Variants in EYS observed in about 807,000 individuals in gnomAD.
EYS encodes EGF-like photoreceptor maintenance factor.
A neutral mutation model predicts 282.1 loss-of-function variants in EYS; 250 were observed. The ratio of observed to expected loss-of-function variants is 0.89; its 90% CI spans 0.80 to 0.98. EYS has a LOEUF of 0.98. Among genes scored for constraint, EYS ranks in the 50% least tolerant of loss-of-function variants. EYS has a pLI of 0.00. For missense variants in EYS, 4,016 were observed against 3,709.0 expected (o/e 1.08, Z -2.15); for synonymous variants, 1,355 against 1,282.9 (o/e 1.06, Z -1.20).
intron 22 of EYS, among the ~76,000 whole-genome samples, chr6:64,800,890 T>C (rs1774524288): frequency 6.6e-6 from 1 of 152,020 alleles, no homozygotes; most frequent in African/African-American, 2.4e-5. Flanking sequence ...TTTTGAACAT[T>C]TTTTCACAAT....
intron 5 of EYS, among the ~76,000 whole-genome samples, chr6:65,488,483 A>G (rs1405700766): frequency 6.6e-6 from 1 of 152,216 alleles, no homozygotes; most frequent in African/African-American, 2.4e-5. Flanking sequence ...GAGAGGACAC[A>G]AACAAATGGA....
chr6:65,528,288 A>G (rs1767642903), intron 2 of EYS, among the ~76,000 whole-genome samples: 1 of 152,328 alleles, frequency 6.6e-6, no homozygotes, highest in African/African-American at 2.4e-5. Flanking sequence ...ACTGAAATAG[A>G]ATTGATAACT....
chr6:64,856,801 G>A (rs1400228809), intron 19 of EYS, among the ~76,000 whole-genome samples: 1 of 151,642 alleles, frequency 6.6e-6, no homozygotes, highest in Non-Finnish European at 1.5e-5. Context: ...TTCTCTCATG[G>A]ATCAAGCTCT....
chr6:63,742,417 A>T (rs974668036), intron 41 of EYS, among the ~76,000 whole-genome samples: 1 of 152,020 alleles, frequency 6.6e-6, no homozygotes, highest in Non-Finnish European at 1.5e-5. Context: ...TGACTCTGAG[A>T]TCTTGTTCTC....
At chr6:64,895,565 G>A (rs559164105) in intron 18 of EYS, among the ~76,000 whole-genome samples, 2 of 152,278 alleles carry the variant, frequency 1.3e-5, no homozygotes, top group African/African-American at 4.8e-5. Flanking sequence ...TCAAAGGGAA[G>A]TAATTAAGAT....
intron 31 of EYS, among the ~76,000 whole-genome samples, chr6:64,172,822 T>C (rs1764521859): frequency 1.3e-5 from 2 of 152,194 alleles, no homozygotes; most frequent in African/African-American, 4.8e-5. Context: ...TATTGTGAAC[T>C]GTATATGCAA....
chr6:63,896,488 C>T (rs1446067539), intron 35 of EYS, among the ~76,000 whole-genome samples: 1 of 152,186 alleles, frequency 6.6e-6, no homozygotes, highest in Admixed American at 6.5e-5. Context: ...CACACATGTA[C>T]AGCCTTCCTC....
chr6:64,700,402 AG>A (rs1770740286), intron 22 of EYS, among the ~76,000 whole-genome samples: 1 of 152,100 alleles, frequency 6.6e-6, no homozygotes. Flanking sequence ...GGCAATAGAA[AG>A]AAATAAAAGG....
intron 35 of EYS, among the ~76,000 whole-genome samples, chr6:63,889,621 G>A (rs1217777044): frequency 6.6e-6 from 1 of 152,002 alleles, no homozygotes. Flanking sequence ...CCTGAAGAAA[G>A]CATTAAATAT....
rs892533141 is a variant in EYS, at chr6:63,957,822, AT to A, written c.7055+26560del. 2.0e-4 allele frequency among the ~76,000 whole-genome samples: 28 copies of A among 140,856 alleles called. 2 individuals are homozygous for A. The highest frequency in any genetic ancestry group is 6.8e-4 in the African/African-American group (28 of 41,128). 92.4% of individuals were successfully genotyped at this position (140,856 alleles called of 152,430 possible). ...TGAAAGCTAGACTTGACACTCAAACATTTTATCAAAAAGTTCTGTTTTTAGT... is the reference window on the plus strand; with the variant it reads ...TGAAAGCTAGACTTGACACTCAAACATTTATCAAAAAGTTCTGTTTTTAGT... On this transcript the variant is annotated intron_variant, in intron 35 of 42. Coordinates refer to ENST00000503581, the MANE Select transcript of EYS (RefSeq NM_001142800.2).
In EYS at chr6:65,109,989, T is replaced by G. The variant is rs553398519; in HGVS notation, c.2024-52262A>C. The stretch of plus-strand genomic sequence containing the variant: ...GCCAAAATAAGACTAGCCTTTCTTC[T>G]CATCTGAAGTGCTCAAGCAACTTGG... On this transcript the variant is annotated intron_variant, in intron 12 of 42. Transcript: ENST00000503581. Among the ~76,000 whole-genome samples, 8 of 152,280 alleles carry G rather than the reference T, an allele frequency of 5.3e-5. No homozygotes were observed. In the South Asian group the frequency reaches 1.7e-3, roughly 32 times the overall value.
chr6:64,529,987 G>A (rs1279235949), intron 26 of EYS, among the ~76,000 whole-genome samples: 3 of 152,010 alleles, frequency 2.0e-5, no homozygotes, highest in Non-Finnish European at 2.9e-5. Flanking sequence ...TTGTGCATGG[G>A]TATTTCTCCT....
At chr6:64,368,305 T>C (rs1772244994) in intron 29 of EYS, among the ~76,000 whole-genome samples, 1 of 152,154 alleles carries the variant, frequency 6.6e-6, no homozygotes, top group Non-Finnish European at 1.5e-5. Context: ...TCGTGGTGTA[T>C]ATGTACCACA....
chr6:64,900,187 T>C (rs542600462), intron 18 of EYS, among the ~76,000 whole-genome samples: 3 of 152,032 alleles, frequency 2.0e-5, no homozygotes, highest in Non-Finnish European at 4.4e-5. Flanking sequence ...TATGCAGAAC[T>C]CTGAAAATGG....
chr6:64,025,064 A>G (rs1769420857), intron 33 of EYS, among the ~76,000 whole-genome samples: 1 of 152,110 alleles, frequency 6.6e-6, no homozygotes, highest in Admixed American at 6.6e-5. Flanking sequence ...AGTGAGTACC[A>G]TCAGACGCCT....
At chr6:65,372,330 ATT>A (rs1186140886) in intron 8 of EYS, among the ~76,000 whole-genome samples, 1 of 152,070 alleles carries the variant, frequency 6.6e-6, no homozygotes, top group Non-Finnish European at 1.5e-5. Context: ...CAGAAAGTGC[ATT>A]TCTAACTATA....
chr6:64,917,741 T>A (rs1583292257), intron 15 of EYS, among the ~76,000 whole-genome samples: 1 of 152,178 alleles, frequency 6.6e-6, no homozygotes, highest in Non-Finnish European at 1.5e-5. Flanking sequence ...ATATGTTAAT[T>A]AGCTTGATTT....
At chr6:64,026,428 T>C (rs971809571) in intron 33 of EYS, among the ~76,000 whole-genome samples, 10 of 152,262 alleles carry the variant, frequency 6.6e-5, no homozygotes, top group Admixed American at 6.5e-4. Flanking sequence ...CAATTTGACC[T>C]ATAAACCCTG....
intron 12 of EYS, among the ~76,000 whole-genome samples, chr6:65,099,060 T>A (rs899678001): frequency 2.7e-5 from 4 of 150,642 alleles, no homozygotes; most frequent in African/African-American, 7.3e-5. Flanking sequence ...GTATTTCAAA[T>A]AAAATACAAC....
Sources: gnomAD v4.1 joint callset for allele counts (sites outside exome capture counted in the v4.1 genomes callset) on GRCh38, gnomAD v4.1.1 for gene constraint, MANE v1.5 for transcripts, NCBI Gene and HGNC (gene_info 2026-07-23, HGNC 2026-07-21) for gene names.